OR51B5: variants seen among roughly 807,000 people sequenced by gnomAD.
OR51B5 encodes olfactory receptor family 51 subfamily B member 5.
For missense variants in OR51B5, 456 were observed against 374.6 expected (o/e 1.22, Z -1.79); for synonymous variants, 186 against 144.8 (o/e 1.28, Z -2.04).
chr11:5,343,529 G>T (rs1470158687), upstream of OR51B5: 4 of 819,176 alleles, frequency 4.9e-6, no homozygotes, highest in Non-Finnish European at 8.2e-6. Context: ...CGACATCCTG[G>T]GTTTATATAG....
intron 1 of OR51B5, among the ~76,000 whole-genome samples, chr11:5,381,414 T>C (rs1254559866): frequency 6.6e-6 from 1 of 152,208 alleles, no homozygotes; most frequent in African/African-American, 2.4e-5. Context: ...CCCACAGTGA[T>C]AGAGATAGGT....
At chr11:5,387,690 C>T (rs997283925) in intron 1 of OR51B5, among the ~76,000 whole-genome samples, 1 of 151,148 alleles carries the variant, frequency 6.6e-6, no homozygotes. Flanking sequence ...TCAAGCTGCT[C>T]TCTGCTTCAG....
chr11:5,383,348 G>T (rs1029168512), intron 1 of OR51B5, among the ~76,000 whole-genome samples: 3 of 152,224 alleles, frequency 2.0e-5, no homozygotes, highest in East Asian at 3.9e-4. Context: ...GCAGTAAATG[G>T]AAATATAAAA....
At chr11:5,381,968 T>A (rs995138332) in intron 1 of OR51B5, among the ~76,000 whole-genome samples, 35 of 152,234 alleles carry the variant, frequency 2.3e-4, no homozygotes, top group African/African-American at 8.2e-4. Flanking sequence ...CAATTACATA[T>A]CTGCATCCAG....
intron 1 of OR51B5, chr11:5,390,034 G>C: frequency 4.3e-6 from 7 of 1,613,618 alleles, no homozygotes; most frequent in Non-Finnish European, 5.9e-6. Context: ...TGTATGGACT[G>C]ATGGTGGTAG....
chr11:5,486,565 C>T (rs427381), intron 1 of OR51B5, among the ~76,000 whole-genome samples: 146,275 of 152,224 alleles, frequency 0.96, 70,312 homozygotes, highest in South Asian at 0.99. Flanking sequence ...CAGCCACAAG[C>T]AGCTCTTTAG....
intron 1 of OR51B5, among the ~76,000 whole-genome samples, chr11:5,351,297 G>C (rs992592625): frequency 6.6e-6 from 1 of 152,144 alleles, no homozygotes; most frequent in South Asian, 2.1e-4. Context: ...ATCTTACATA[G>C]AGTAAACCCT....
intron 1 of OR51B5, among the ~76,000 whole-genome samples, chr11:5,363,413 A>T (rs918658641): frequency 6.7e-6 from 1 of 150,002 alleles, no homozygotes; most frequent in Non-Finnish European, 1.5e-5. Context: ...TCACCAATTA[A>T]TTGTTCCTTT....
chr11:5,449,316 G>A (rs1367123427), intron 1 of OR51B5: 1 of 152,264 alleles, frequency 6.6e-6, no homozygotes, highest in East Asian at 1.9e-4. Context: ...CACTTCAGCA[G>A]AGACAGGGAA....
intron 1 of OR51B5, chr11:5,455,823 A>G (rs1850950607): frequency 6.6e-6 from 1 of 152,150 alleles, no homozygotes; most frequent in African/African-American, 2.4e-5. Flanking sequence ...GATTTTTTTC[A>G]AAAATGTCTA....
chr11:5,372,084 A>G (rs918293210), intron 1 of OR51B5, among the ~76,000 whole-genome samples: 1 of 152,172 alleles, frequency 6.6e-6, no homozygotes, highest in Non-Finnish European at 1.5e-5. Flanking sequence ...AAGGCTGAAT[A>G]ATATTGTGAT....
chr11:5,392,255 C>G (rs561300944), intron 1 of OR51B5: 2 of 152,316 alleles, frequency 1.3e-5, no homozygotes, highest in African/African-American at 4.8e-5. Flanking sequence ...GCCTTACAGG[C>G]TGGCACTCCT....
At chr11:5,351,275 T>C (rs963621770) in intron 1 of OR51B5, among the ~76,000 whole-genome samples, 2 of 152,210 alleles carry the variant, frequency 1.3e-5, no homozygotes, top group African/African-American at 4.8e-5. Context: ...ATCCCCAACG[T>C]AGTATCCAAT....
chr11:5,351,944 T>C (rs1324711820), intron 1 of OR51B5: 7 of 1,612,912 alleles, frequency 4.3e-6, no homozygotes, highest in South Asian at 1.1e-5. Context: ...GGTGTGCGGG[T>C]ATTGACAAGG....
intron 1 of OR51B5, among the ~76,000 whole-genome samples, chr11:5,398,072 G>A (rs1050491986): frequency 6.6e-6 from 1 of 152,000 alleles, no homozygotes; most frequent in African/African-American, 2.4e-5. Flanking sequence ...GAGGGGGCAG[G>A]GATAGCATTA....
intron 1 of OR51B5, chr11:5,403,347 C>G (rs2133743460): frequency 2.1e-6 from 1 of 471,610 alleles, no homozygotes; most frequent in South Asian, 1.5e-5. Context: ...CTGTGCTGTG[C>G]TTGCTTACTA....
At chr11:5,343,935 C>T (rs555495662), upstream of OR51B5, among the ~76,000 whole-genome samples, 39 of 152,304 alleles carry the variant, frequency 2.6e-4, no homozygotes, top group Admixed American at 7.8e-4. Context: ...CCACCTAAAC[C>T]TGTAATTGCC....
intron 1 of OR51B5, among the ~76,000 whole-genome samples, chr11:5,382,685 C>G (rs1589965812): frequency 1.3e-5 from 2 of 152,280 alleles, no homozygotes; most frequent in East Asian, 3.9e-4. Context: ...AAGCCAGAAC[C>G]TTCCTCATAA....
intron 1 of OR51B5, among the ~76,000 whole-genome samples, chr11:5,438,423 A>G (rs943067244): frequency 3.3e-4 from 50 of 151,918 alleles, no homozygotes; most frequent in African/African-American, 1.2e-3. Context: ...AGATCTCTGA[A>G]TTCCGAGCTT....
Sources: gnomAD v4.1 joint callset for allele counts (sites outside exome capture counted in the v4.1 genomes callset) on GRCh38, gnomAD v4.1.1 for gene constraint, MANE v1.5 for transcripts, NCBI Gene and HGNC (gene_info 2026-07-23, HGNC 2026-07-21) for gene names.